Variants in RBMS3 observed in about 807,000 individuals in gnomAD.
RBMS3 encodes RNA-binding motif, single-stranded-interacting protein 3.
In RBMS3, 27 loss-of-function variants were observed where a neutral mutation model predicts 66.8. The observed-to-expected ratio is 0.40, with a 90% CI of 0.30 to 0.56. The LOEUF (loss-of-function observed/expected upper bound fraction) is 0.56, where lower values mean the gene tolerates loss of function less well. RBMS3 is among the 20% of genes least tolerant of loss of function. RBMS3 has a pLI of 0.40. For synonymous variants in RBMS3, 188 were observed against 183.0 expected (o/e 1.03, Z -0.22); for missense variants, 513 against 549.5 (o/e 0.93, Z 0.66).
At chr3:29,815,262 G>A (rs2057851766) in intron 6 of RBMS3, among the ~76,000 whole-genome samples, 1 of 152,144 alleles carries the variant, frequency 6.6e-6, no homozygotes, top group South Asian at 2.1e-4. Flanking sequence ...CTGCACTCGA[G>A]CTTCCATGCA....
intron 3 of RBMS3, among the ~76,000 whole-genome samples, chr3:29,566,347 A>G (rs1408709493): frequency 6.6e-6 from 1 of 152,174 alleles, no homozygotes; most frequent in Non-Finnish European, 1.5e-5. Context: ...GTCAAAAGCA[A>G]CAGCAGGTGC....
chr3:29,347,728 G>A lies in RBMS3; in HGVS notation c.75+65972G>A, dbSNP rs190338564. Among the ~76,000 whole-genome samples, 16 of 152,264 alleles carry A rather than the reference G, an allele frequency of 1.1e-4. No homozygotes were observed. The South Asian group carries it at 2.5e-3, about 24-fold the overall frequency. ...TGGTTTGTTTTGGGAGGAGTATAGG[G>A]TGGGGACAGAATTAAATGTTCAGTT... On this transcript the variant is annotated intron_variant, in intron 1 of 14. Coordinates refer to ENST00000383767, the MANE Select transcript of RBMS3 (RefSeq NM_001003793.3).
At chr3:30,003,272 A>T (rs1278384623) in intron 14 of RBMS3, among the ~76,000 whole-genome samples, 2 of 152,026 alleles carry the variant, frequency 1.3e-5, no homozygotes, top group African/African-American at 2.4e-5. Context: ...TTTCTAGTTA[A>T]ACACCTATTG....
chr3:29,698,741 A>G, intron 4 of RBMS3: 2 of 431,484 alleles, frequency 4.6e-6, no homozygotes, highest in Non-Finnish European at 6.2e-6. Context: ...TAAGGAGAGG[A>G]CACTTTACAT....
At chr3:29,977,460 A>G (rs1258144708) in intron 12 of RBMS3, among the ~76,000 whole-genome samples, 3 of 152,154 alleles carry the variant, frequency 2.0e-5, no homozygotes, top group African/African-American at 4.8e-5. Context: ...ATGATTCCAC[A>G]CTAATAGAAA....
chr3:29,606,727 T>C (rs965938296), intron 4 of RBMS3, among the ~76,000 whole-genome samples: 12 of 152,026 alleles, frequency 7.9e-5, no homozygotes, highest in African/African-American at 2.9e-4. Context: ...AGTTTTTCTG[T>C]ATTGTTCCTT....
chr3:29,704,359 A>G (rs1576571939), intron 4 of RBMS3, among the ~76,000 whole-genome samples: 1 of 152,348 alleles, frequency 6.6e-6, no homozygotes, highest in Non-Finnish European at 1.5e-5. Context: ...AGATTGGTAT[A>G]TAAAGAAGGT....
intron 6 of RBMS3, among the ~76,000 whole-genome samples, chr3:29,816,364 A>G (rs2057902971): frequency 6.6e-6 from 1 of 150,858 alleles, no homozygotes; most frequent in Non-Finnish European, 1.5e-5. Flanking sequence ...CACTGGACAG[A>G]CCTCCATCAT....
At chr3:29,848,171 T>C (rs761501170) in intron 6 of RBMS3, among the ~76,000 whole-genome samples, 2 of 152,196 alleles carry the variant, frequency 1.3e-5, no homozygotes, top group Non-Finnish European at 2.9e-5. Context: ...CTCACAGAAG[T>C]TCTTCCCTTC....
chr3:29,834,444 C>G (rs1369993395), intron 6 of RBMS3, among the ~76,000 whole-genome samples: 3 of 151,852 alleles, frequency 2.0e-5, no homozygotes, highest in Non-Finnish European at 4.4e-5. Flanking sequence ...ACAATAAAAA[C>G]TTAAAATGGG....
intron 1 of RBMS3, among the ~76,000 whole-genome samples, chr3:29,415,986 T>G (rs2040463909): frequency 6.6e-6 from 1 of 152,036 alleles, no homozygotes; most frequent in South Asian, 2.1e-4. Flanking sequence ...CTAAAACACA[T>G]TGTAGACAGA....
At chr3:29,897,294 T>C in intron 8 of RBMS3, 85 bp from the exon 9 acceptor site, 1 of 1,219,178 alleles carries the variant, frequency 8.2e-7, no homozygotes, top group Non-Finnish European at 1.2e-6. Flanking sequence ...GAAATATGTC[T>C]TTCCCATAGG....
intron 1 of RBMS3, among the ~76,000 whole-genome samples, chr3:29,331,408 C>T (rs569121891): frequency 6.6e-6 from 1 of 152,218 alleles, no homozygotes; most frequent in Admixed American, 6.5e-5. Flanking sequence ...TGTAGTTTCC[C>T]AGTAGGACCA....
intron 2 of RBMS3, among the ~76,000 whole-genome samples, chr3:29,446,834 C>G (rs2125750899): frequency 6.9e-6 from 1 of 145,374 alleles, no homozygotes; most frequent in South Asian, 2.2e-4. Flanking sequence ...TGAATCAGTT[C>G]TTATTAACTA....
intron 6 of RBMS3, among the ~76,000 whole-genome samples, chr3:29,820,811 A>G (rs773758789): frequency 1.3e-5 from 2 of 152,162 alleles, no homozygotes; most frequent in Non-Finnish European, 2.9e-5. Flanking sequence ...GCATGGTAGC[A>G]GGTGCCTAAA....
chr3:29,314,455 T>G (rs899344055), intron 1 of RBMS3, among the ~76,000 whole-genome samples: 2 of 151,690 alleles, frequency 1.3e-5, no homozygotes, highest in Non-Finnish European at 3.0e-5. Context: ...GCAGCAGGCA[T>G]GTAGAGTCAG....
intron 3 of RBMS3, among the ~76,000 whole-genome samples, chr3:29,538,779 G>A (rs1367251031): frequency 2.6e-5 from 4 of 152,178 alleles, no homozygotes; most frequent in East Asian, 1.9e-4. Context: ...AGGCAGTATC[G>A]TGTCAAGCCA....
chr3:29,721,919 T>A (rs1170620208), intron 4 of RBMS3, among the ~76,000 whole-genome samples: 1 of 152,140 alleles, frequency 6.6e-6, no homozygotes, highest in African/African-American at 2.4e-5. Context: ...CTAAAACCTT[T>A]AGTGGAGACC....
chr3:29,660,699 A>T (rs944092674), intron 4 of RBMS3, among the ~76,000 whole-genome samples: 6 of 152,152 alleles, frequency 3.9e-5, no homozygotes, highest in African/African-American at 1.4e-4. Context: ...GTGTAAACCT[A>T]AATTCTTTCC....
Sources: gnomAD v4.1 joint callset for allele counts (sites outside exome capture counted in the v4.1 genomes callset) on GRCh38, gnomAD v4.1.1 for gene constraint, MANE v1.5 for transcripts, NCBI Gene and HGNC (gene_info 2026-07-23, HGNC 2026-07-21) for gene names.